The following MATK variants were observed in gnomAD, a reference collection of about 807,000 sequenced individuals.
The protein encoded by MATK is megakaryocyte-associated tyrosine kinase, also known as megakaryocyte-associated tyrosine-protein kinase.
MATK carries 41 observed loss-of-function variants against 59.8 expected under a neutral mutation model. That is an observed-to-expected ratio of 0.69 (90% CI 0.53 to 0.89). The LOEUF (loss-of-function observed/expected upper bound fraction) is 0.89. Among genes scored for constraint, MATK ranks in the 40% least tolerant of loss-of-function variants. The pLI, the probability that MATK is intolerant of heterozygous loss-of-function variation, is 0.00. For missense variants in MATK, 593 were observed against 719.6 expected, an observed-to-expected ratio of 0.82 and a Z score of 2.01; for synonymous variants, 308 against 306.1, an observed-to-expected ratio of 1.01 and a Z score of -0.06.
chr19:3,792,853 G>A (rs941785355), intron 1 of MATK, among the ~76,000 whole-genome samples: 3 of 152,180 alleles, frequency 2.0e-5, no homozygotes, highest in Admixed American at 6.5e-5. Context: ...AGGACAGGCC[G>A]GGGTGGGGAG....
chr19:3,786,082 C>T lies in MATK; in HGVS notation c.-152+87G>A, dbSNP rs2037479418. On this transcript the variant is annotated intron_variant, in intron 1 of 13. Coordinates refer to ENST00000310132, the MANE Select transcript of MATK (RefSeq NM_139355.3). The surrounding 1 kb of genome is among the most constrained non-coding windows in gnomAD (Gnocchi z 4.1). ...ACACACCGGCCCTTCCTGCGCACGT[C>T]CCGGGCCCACCCCCGCCTAGAGCCC... 2 of 542,190 alleles carry T rather than the reference C, an allele frequency of 3.7e-6. No individual in the cohort carries two copies. The highest frequency in any genetic ancestry group is 1.5e-4 in the East Asian group (1 of 6,820). The allele number at this position is 542,190 out of a possible 1,614,324, so 33.6% of individuals were successfully genotyped here.
intron 1 of MATK, among the ~76,000 whole-genome samples, chr19:3,792,874 C>A (rs2037556445): frequency 6.6e-6 from 1 of 152,204 alleles, no homozygotes; most frequent in Non-Finnish European, 1.5e-5. Context: ...GCCACTGCAG[C>A]CAGACATGGG....
chr19:3,779,231 C>A, intron 11 of MATK, 44 bp from the exon 12 acceptor site: 1 of 1,550,186 alleles, frequency 6.5e-7, no homozygotes. Context: ...GCCAGGATGC[C>A]CACATTCAGG....
chr19:3,789,496 C>G, upstream of MATK: 1 of 559,908 alleles, frequency 1.8e-6, no homozygotes, highest in East Asian at 3.0e-5. Context: ...TAAGGGGAAC[C>G]AAGGTCTTGA....
At chr19:3,798,168 T>C (rs1429784074) in intron 1 of MATK, among the ~76,000 whole-genome samples, 1 of 152,242 alleles carries the variant, frequency 6.6e-6, no homozygotes, top group Non-Finnish European at 1.5e-5. Context: ...AGGTTTTGTT[T>C]TTTTCTGTTC....
intron 7 of MATK, 118 bp downstream of exon 7, chr19:3,783,008 G>A: frequency 1.2e-6 from 1 of 859,932 alleles, no homozygotes; most frequent in East Asian, 2.5e-5. Context: ...TCCCATAGCT[G>A]GGCATGGAGA....
chr19:3,797,144 C>G (rs1050801372), intron 1 of MATK, among the ~76,000 whole-genome samples: 2 of 152,068 alleles, frequency 1.3e-5, no homozygotes, highest in Admixed American at 6.6e-5. Flanking sequence ...ATTTCTTCCA[C>G]TTTGGTTTCT....
chr19:3,781,842 C>G (rs1414183409), intron 7 of MATK, among the ~76,000 whole-genome samples, 170 bp from the exon 8 acceptor site: 6 of 152,172 alleles, frequency 3.9e-5, no homozygotes, highest in African/African-American at 1.4e-4. Flanking sequence ...AGAGACACCC[C>G]ACTCCTGGTA....
In MATK at chr19:3,784,368, G is replaced by A. The variant is rs757238130; in HGVS notation, c.216C>T (p.Gly72=). ...PKPGELAFRK[G]DVVTILEACE... ...AGGCCTCCAGGATGGTGACCACGTCGCCCTTGCGGAAGGCCAGCTCCCCTG... is the reference window on the plus strand; with the variant it reads ...AGGCCTCCAGGATGGTGACCACGTCACCCTTGCGGAAGGCCAGCTCCCCTG... Residue 72 remains glycine, a synonymous_variant, in exon 4 of 14, where the codon GGC becomes GGT. Coordinates refer to ENST00000310132, the MANE Select transcript of MATK (RefSeq NM_139355.3). 5.0e-6 allele frequency: 8 copies of A among 1,607,988 alleles called. No homozygotes were observed. The Admixed American group carries it at 5.0e-5, about 10-fold the overall frequency.
intron 12 of MATK, 132 bp from the exon 13 acceptor site, chr19:3,778,727 C>A: frequency 1.9e-6 from 2 of 1,041,788 alleles, no homozygotes; most frequent in South Asian, 1.4e-5. Flanking sequence ...CCCCCAACGC[C>A]GCCCGCAGTT....
chr19:3,778,175 G>A lies in MATK; in HGVS notation c.*8C>T, dbSNP rs568839886. 1.8e-5 allele frequency: 28 copies of A among 1,549,030 alleles called. No homozygotes were observed. The highest frequency in any genetic ancestry group is 1.7e-4 in the Middle Eastern group (1 of 5,786). ...GTCCTCTGGGGCCAAGGGCCCCACC[G>A]GGTGGGGTCAGGGCTCCTGGCTTCG... is the stretch of plus-strand genomic sequence containing the variant. On this transcript the variant is annotated 3_prime_UTR_variant, in exon 14 of 14. Coordinates refer to ENST00000310132, the MANE Select transcript of MATK (RefSeq NM_139355.3).
At chr19:3,786,820 T>A (rs2037491360), upstream of MATK, among the ~76,000 whole-genome samples, 1 of 152,076 alleles carries the variant, frequency 6.6e-6, no homozygotes, top group Non-Finnish European at 1.5e-5. This position sits in a 1 kb window ranked among gnomAD's most constrained non-coding sequence, Gnocchi z 4.1. Flanking sequence ...AAGGGAAAAT[T>A]GGAGTAACAG....
chr19:3,779,659 C>A (rs2066772), intron 9 of MATK, 39 bp downstream of exon 9: 2 of 1,610,388 alleles, frequency 1.2e-6, no homozygotes, highest in East Asian at 2.2e-5. Flanking sequence ...GCTGGGACCC[C>A]CCCCGTCCCA....
rs749419717 is a variant in MATK at position 3,783,226 on chromosome 19, G to T, written c.583-7C>A. On this transcript the variant is annotated splice_polypyrimidine_tract_variant and splice_region_variant and intron_variant, in intron 6 of 13. Coordinates refer to ENST00000310132, the MANE Select transcript of MATK (RefSeq NM_139355.3). ...CCTTGTCCTTGCTGTAATGCTGCAG[G>T]ATGGTGGGACAGCCATGAGCCCAGC... The T allele has an allele frequency of 3.7e-6, 6 of 1,604,484 alleles. No homozygotes were observed. Among genetic ancestry groups the T allele is most frequent in the Non-Finnish European group, 5.1e-6 (6 of 1,173,644 alleles).
At chr19:3,797,791 C>T (rs962711570) in intron 1 of MATK, among the ~76,000 whole-genome samples, 2 of 152,018 alleles carry the variant, frequency 1.3e-5, no homozygotes, top group African/African-American at 4.8e-5. Flanking sequence ...CCTGTAATCC[C>T]AGCACTTTAG....
At chr19:3,791,923 C>A (rs1027612783) in intron 1 of MATK, among the ~76,000 whole-genome samples, 7 of 152,074 alleles carry the variant, frequency 4.6e-5, no homozygotes, top group African/African-American at 1.7e-4. Context: ...GCCTGGCCAA[C>A]ATGGCAAAAC....
chr19:3,788,010 G>C (rs1309447158), upstream of MATK, among the ~76,000 whole-genome samples: 4 of 150,334 alleles, frequency 2.7e-5, no homozygotes, highest in Non-Finnish European at 4.4e-5. Flanking sequence ...CGAACCTCCT[G>C]CCTCAGCCTC....
chr19:3,789,893 TTTTGTA>T (rs993972466), upstream of MATK, among the ~76,000 whole-genome samples: 2 of 151,388 alleles, frequency 1.3e-5, no homozygotes, highest in East Asian at 1.9e-4. Flanking sequence ...CCCTGCTAAC[TTTTGTA>T]TTTGTATTTG....
intron 5 of MATK, 45 bp from the exon 6 acceptor site, chr19:3,784,078 G>A (rs745667640): frequency 1.9e-6 from 3 of 1,589,828 alleles, no homozygotes; most frequent in Middle Eastern, 1.7e-4. Context: ...GTGGAGGGGG[G>A]GTCACTTGCT....
Sources: allele counts gnomAD v4.1 joint callset (sites outside exome capture counted in the v4.1 genomes callset), GRCh38; gene constraint gnomAD v4.1.1; non-coding constraint Gnocchi (gnomAD v3.1); transcripts MANE v1.5; gene names NCBI Gene and HGNC (gene_info 2026-07-23, HGNC 2026-07-21).